The following TMEM266 variants were observed in gnomAD, a reference collection of about 807,000 sequenced individuals.
The protein encoded by TMEM266 is transmembrane protein 266, also known as Hv1 related protein 1.
In TMEM266, 33 loss-of-function variants were observed where a neutral mutation model predicts 50.5. That is an observed-to-expected ratio of 0.65 (90% CI 0.50 to 0.87). The LOEUF is 0.87. Ranked by LOEUF, TMEM266 falls within the 40% of genes least tolerant of loss-of-function variation. TMEM266 has a pLI of 0.00. For synonymous variants in TMEM266, 310 were observed against 292.3 expected, an observed-to-expected ratio of 1.06 and a Z score of -0.62; for missense variants, 655 against 695.1, an observed-to-expected ratio of 0.94 and a Z score of 0.65.
rs1245475315 is a variant in TMEM266 at position 76,203,920 on chromosome 15, A to G, written c.1201A>G (p.Ser401Gly). The G allele has an allele frequency of 1.9e-5, 31 of 1,613,980 alleles. No homozygotes were observed. The highest frequency in any genetic ancestry group is 1.6e-4 in the Middle Eastern group (1 of 6,082). The change falls in exon 11 of 11, where the codon AGC becomes GGC. Residue 401 changes from serine to glycine, a missense_variant. By Grantham distance (56) the Ser-to-Gly change is moderately conservative (BLOSUM62 0). Around this residue, in one of 3 missense-constraint regions of TMEM266, gnomAD observed 455 missense variants for 401.8 expected, o/e 1.13. Coordinates refer to ENST00000388942, the MANE Select transcript of TMEM266 (RefSeq NM_152335.3). Reference sequence around the variant, plus strand: ...CTCAGTCACCCGGGCCCAGAGTGACAGCAGCCAGACGCTGGGCTCCTCCAT... The same window carrying G: ...CTCAGTCACCCGGGCCCAGAGTGACGGCAGCCAGACGCTGGGCTCCTCCAT...
At chr15:76,191,880 C>G (rs2142081913) in intron 8 of TMEM266, 88 bp from the exon 9 acceptor site, 2 of 1,251,932 alleles carry the variant, frequency 1.6e-6, no homozygotes, top group South Asian at 3.2e-5. Flanking sequence ...ACCCCGCCCC[C>G]ATGCAGGAGC....
intron 1 of TMEM266, among the ~76,000 whole-genome samples, chr15:76,117,625 T>C (rs2037271529): frequency 1.3e-5 from 2 of 152,128 alleles, no homozygotes; most frequent in Admixed American, 1.3e-4. Flanking sequence ...TGTTTTGAAT[T>C]GAAGGGAGAT....
chr15:76,079,099 TC>T (rs773249715), intron 1 of TMEM266, among the ~76,000 whole-genome samples: 2 of 152,184 alleles, frequency 1.3e-5, no homozygotes, highest in Non-Finnish European at 2.9e-5. Flanking sequence ...ACGCCTATAA[TC>T]CCAGCACTCT....
At chr15:76,149,838 G>T (rs2037811057) in intron 3 of TMEM266, among the ~76,000 whole-genome samples, 1 of 152,224 alleles carries the variant, frequency 6.6e-6, no homozygotes. Flanking sequence ...TATCTTAAGT[G>T]TTTGTTTAAT....
At chr15:76,173,605 CAG>C (rs944911550) in intron 7 of TMEM266, among the ~76,000 whole-genome samples, 11 of 152,176 alleles carry the variant, frequency 7.2e-5, no homozygotes, top group Non-Finnish European at 1.3e-4. Flanking sequence ...CTCAGAATAA[CAG>C]TGTCTTAACA....
At chr15:76,105,112 G>A (rs2037061278) in intron 1 of TMEM266, among the ~76,000 whole-genome samples, 1 of 152,062 alleles carries the variant, frequency 6.6e-6, no homozygotes, top group Non-Finnish European at 1.5e-5. Context: ...TGGGCGTGGT[G>A]GCGCACACCT....
chr15:76,134,848 TGTTTATTGCTCACATGTCTGGG>T (rs1317900811), intron 2 of TMEM266, among the ~76,000 whole-genome samples: 14 of 152,344 alleles, frequency 9.2e-5, no homozygotes, highest in African/African-American at 3.4e-4. Context: ...CAACAAAAAA[TGTTTATTGCTCACATGTCTGGG>T]GTACTCAGCT....
At chr15:76,202,129 G>A (rs186279218) in intron 9 of TMEM266, 73 bp from the exon 10 acceptor site, 2 of 1,288,292 alleles carry the variant, frequency 1.6e-6, no homozygotes, top group Admixed American at 4.2e-5. Context: ...GTGACCGTGG[G>A]GGTGGGGACA....
intron 1 of TMEM266, among the ~76,000 whole-genome samples, chr15:76,104,559 C>T (rs2037053566): frequency 6.6e-6 from 1 of 152,194 alleles, no homozygotes; most frequent in East Asian, 1.9e-4. Context: ...TGGCTCACGC[C>T]TGTAATCCCA....
At chr15:76,145,784 A>G (rs1298515384) in intron 3 of TMEM266, among the ~76,000 whole-genome samples, 1 of 152,198 alleles carries the variant, frequency 6.6e-6, no homozygotes, top group African/African-American at 2.4e-5. Context: ...TGTTTCTTCA[A>G]TGACTTGGTC....
intron 1 of TMEM266, among the ~76,000 whole-genome samples, chr15:76,082,432 G>A (rs918571418): frequency 1.3e-5 from 2 of 152,174 alleles, no homozygotes; most frequent in Non-Finnish European, 2.9e-5. Flanking sequence ...CCAAGAGTTG[G>A]TCAGGAAGAG....
chr15:76,066,480 A>G (rs1409209006), intron 1 of TMEM266, among the ~76,000 whole-genome samples: 1 of 152,154 alleles, frequency 6.6e-6, no homozygotes. Flanking sequence ...TCAGAATAAA[A>G]TGAGCTGTAA....
At chr15:76,107,826 A>C (rs2037106812) in intron 1 of TMEM266, among the ~76,000 whole-genome samples, 1 of 152,124 alleles carries the variant, frequency 6.6e-6, no homozygotes, top group Admixed American at 6.5e-5. Flanking sequence ...TCTACTCTAG[A>C]ACCCACACTG....
chr15:76,162,753 G>A (rs936809967), intron 5 of TMEM266, among the ~76,000 whole-genome samples: 2 of 152,226 alleles, frequency 1.3e-5, no homozygotes, highest in African/African-American at 4.8e-5. Flanking sequence ...GGAAGGACCT[G>A]AGAAAGAAAG....
At position 76,154,587 on chromosome 15, in the gene TMEM266, G is replaced by A. The variant is rs376519675; in HGVS notation, c.228-2017G>A. 4.6e-5 allele frequency among the ~76,000 whole-genome samples: 7 copies of A among 151,980 alleles called. 1 individual carries two copies. The highest frequency in any genetic ancestry group is 3.9e-4 in the East Asian group (2 of 5,172). ...TTGCCCCATACTCTTGGACCATGCG[G>A]GGTTCACATCGACCATCCCCAGCCC... On this transcript the variant is annotated intron_variant, in intron 3 of 10. Coordinates refer to ENST00000388942, the MANE Select transcript of TMEM266 (RefSeq NM_152335.3).
chr15:76,192,152 C>G lies in TMEM266; in HGVS notation c.953C>G (p.Ser318Trp). 7.1e-7 allele frequency: 1 copy of G among 1,399,406 alleles called. No individual in the cohort carries two copies. Among genetic ancestry groups the G allele is most frequent in the Non-Finnish European group, 9.3e-7 (1 of 1,080,226 alleles). 86.7% of individuals were successfully genotyped at this position (1,399,406 alleles called of 1,614,324 possible). ...AGCGTCGTGGAGGAGCTGCAGCCCT[C>G]GCAAGGTAAGCCCGGGTCTCCACCC... is the stretch of plus-strand genomic sequence containing the variant. Residue 318 changes from serine to tryptophan, a missense_variant, in exon 9 of 11, where the codon TCG (serine) becomes TGG (tryptophan). This residue lies in a region of TMEM266 where 455 missense variants were observed against 401.8 expected (regional missense o/e 1.13). Transcript: ENST00000388942.
chr15:76,075,339 G>A (rs1176811028), intron 1 of TMEM266, among the ~76,000 whole-genome samples: 4 of 152,228 alleles, frequency 2.6e-5, no homozygotes, highest in Admixed American at 2.6e-4. Context: ...GGAGGAAATT[G>A]AGAAAGAACA....
At chr15:76,146,718 T>G (rs1311231478) in intron 3 of TMEM266, among the ~76,000 whole-genome samples, 1 of 152,210 alleles carries the variant, frequency 6.6e-6, no homozygotes, top group Non-Finnish European at 1.5e-5. Context: ...AGGGACCTAC[T>G]AAGCCATAGC....
chr15:76,126,376 T>C (rs980654415), intron 1 of TMEM266, among the ~76,000 whole-genome samples: 7 of 60,254 alleles, frequency 1.2e-4, no homozygotes, highest in Non-Finnish European at 1.8e-4. Flanking sequence ...CCCACAGACA[T>C]ATATATATAT....
Sources: allele counts gnomAD v4.1 joint callset (sites outside exome capture counted in the v4.1 genomes callset), GRCh38; gene constraint gnomAD v4.1.1; regional missense constraint gnomAD v4.1.1; transcripts MANE v1.5; gene names NCBI Gene and HGNC (gene_info 2026-07-23, HGNC 2026-07-21).